CTNNBL1: variants seen among roughly 807,000 people sequenced by gnomAD.
The protein encoded by CTNNBL1 is catenin beta like 1.
CTNNBL1 carries 31 observed loss-of-function variants against 72.7 expected under a neutral mutation model. The observed-to-expected ratio is 0.43, with a 90% CI of 0.32 to 0.58. The LOEUF is 0.58. Among genes scored for constraint, CTNNBL1 ranks in the 20% least tolerant of loss-of-function variants. CTNNBL1 has a pLI of 0.08. For missense variants in CTNNBL1, 534 were observed against 725.1 expected (o/e 0.74, Z 3.03); for synonymous variants, 240 against 267.3 (o/e 0.90, Z 1.00).
intron 6 of CTNNBL1, among the ~76,000 whole-genome samples, chr20:37,766,874 A>G (rs1039736759): frequency 9.9e-5 from 15 of 152,212 alleles, no homozygotes; most frequent in Non-Finnish European, 4.4e-5. Context: ...GCAGAAGAAT[A>G]GGATAAAGTC....
intron 5 of CTNNBL1, among the ~76,000 whole-genome samples, chr20:37,758,292 A>G (rs79298585): frequency 0.037 from 5,651 of 152,276 alleles, 323 homozygotes; most frequent in African/African-American, 0.13. Flanking sequence ...GATTTCTGCC[A>G]TCTTTTGAGG....
intron 5 of CTNNBL1, among the ~76,000 whole-genome samples, chr20:37,758,950 T>A (rs1309401956): frequency 6.6e-6 from 1 of 152,100 alleles, no homozygotes; most frequent in Non-Finnish European, 1.5e-5. Flanking sequence ...CTCATAATGT[T>A]CTCGACACTA....
chr20:37,725,127 G>A (rs1299362595), intron 1 of CTNNBL1, among the ~76,000 whole-genome samples: 6 of 151,694 alleles, frequency 4.0e-5, no homozygotes, highest in Non-Finnish European at 8.8e-5. Context: ...GGCTGGTCTC[G>A]AACTCCTGGG....
intron 13 of CTNNBL1, among the ~76,000 whole-genome samples, chr20:37,848,186 G>A (rs1458499046): frequency 2.4e-5 from 3 of 126,424 alleles, no homozygotes; most frequent in African/African-American, 3.1e-5. Flanking sequence ...ATCTCATTCT[G>A]TCACCCAGGC....
At chr20:37,845,440 C>T (rs1393780141) in intron 13 of CTNNBL1, among the ~76,000 whole-genome samples, 3 of 152,334 alleles carry the variant, frequency 2.0e-5, no homozygotes, top group African/African-American at 7.2e-5. Context: ...CGTGCTGTTC[C>T]CTGACAAACA....
chr20:37,850,281 A>C (rs567794588), intron 13 of CTNNBL1, among the ~76,000 whole-genome samples: 11 of 152,324 alleles, frequency 7.2e-5, no homozygotes, highest in Middle Eastern at 3.4e-3. Flanking sequence ...TGATGGCAGC[A>C]TCATGGTAAT....
intron 7 of CTNNBL1, among the ~76,000 whole-genome samples, chr20:37,771,565 T>C (rs543561178): frequency 7.1e-6 from 1 of 140,948 alleles, no homozygotes; most frequent in Non-Finnish European, 1.6e-5. Flanking sequence ...ACCTTTTAGA[T>C]ACCTTTTTTT....
At chr20:37,858,892 T>C (rs555266876) in intron 13 of CTNNBL1, among the ~76,000 whole-genome samples, 2 of 152,204 alleles carry the variant, frequency 1.3e-5, no homozygotes, top group South Asian at 4.2e-4. Flanking sequence ...ACAAAACACC[T>C]AAGCCAGAGG....
intron 4 of CTNNBL1, among the ~76,000 whole-genome samples, chr20:37,753,656 C>T (rs574716175): frequency 2.6e-5 from 4 of 152,120 alleles, no homozygotes; most frequent in Admixed American, 1.3e-4. Context: ...CAATAGTGAG[C>T]GCTTTGGGCA....
intron 12 of CTNNBL1, among the ~76,000 whole-genome samples, chr20:37,840,782 T>A (rs2072297442): frequency 6.6e-6 from 1 of 151,700 alleles, no homozygotes. Flanking sequence ...CTATGGAAGC[T>A]GGGAACCCAA....
intron 7 of CTNNBL1, among the ~76,000 whole-genome samples, chr20:37,773,905 C>T (rs76607483): frequency 5.7e-5 from 8 of 139,436 alleles, no homozygotes; most frequent in Admixed American, 4.9e-4. Flanking sequence ...TTCTTTCTTT[C>T]TCTCTTTTTT....
rs1436736218 is a variant in CTNNBL1, at chr20:37,862,687, T to C, written c.1603+2343T>C. 2.6e-5 allele frequency among the ~76,000 whole-genome samples: 4 copies of C among 151,354 alleles called. No homozygotes were observed. The East Asian group carries it at 5.9e-4, about 22-fold the overall frequency. ...CTTCATTCCCACCCCTCTGTTTTTC[T>C]CCCCCACTGCTTTCTGCCCACCCTC... is the stretch of plus-strand genomic sequence containing the variant. On this transcript the variant is annotated intron_variant, in intron 15 of 15. Coordinates refer to ENST00000361383, the MANE Select transcript of CTNNBL1 (RefSeq NM_030877.5).
intron 13 of CTNNBL1, among the ~76,000 whole-genome samples, chr20:37,853,264 A>G (rs903494427): frequency 9.9e-5 from 15 of 152,208 alleles, no homozygotes; most frequent in Admixed American, 9.8e-4. Context: ...TTTCCCTACC[A>G]CTAGAGAAAC....
chr20:37,860,061 G>A, intron 14 of CTNNBL1, 25 bp downstream of exon 14: 1 of 1,611,938 alleles, frequency 6.2e-7, no homozygotes, highest in Non-Finnish European at 8.5e-7. Context: ...CCCTGGATGG[G>A]CTTATCCATC....
At chr20:37,862,391 A>G (rs1353103300) in intron 15 of CTNNBL1, among the ~76,000 whole-genome samples, 1 of 152,172 alleles carries the variant, frequency 6.6e-6, no homozygotes, top group East Asian at 1.9e-4. Context: ...GTGATCTTCC[A>G]AGAAAGGAAA....
At chr20:37,749,800 C>T (rs1020377073) in intron 4 of CTNNBL1, 6 of 152,094 alleles carry the variant, frequency 3.9e-5, no homozygotes, top group Admixed American at 6.5e-5. Context: ...TAATGTTGCT[C>T]TCCCTGCAAC....
At chr20:37,754,210 A>G (rs931725178) in intron 4 of CTNNBL1, among the ~76,000 whole-genome samples, 6 of 151,962 alleles carry the variant, frequency 3.9e-5, no homozygotes, top group African/African-American at 1.5e-4. Context: ...TGATAACACT[A>G]CTTATTGCAT....
intron 1 of CTNNBL1, among the ~76,000 whole-genome samples, chr20:37,715,220 C>A (rs537761884): frequency 2.0e-5 from 3 of 152,296 alleles, no homozygotes; most frequent in Non-Finnish European, 4.4e-5. Context: ...GAGCCTTAGG[C>A]ATAGACTGAC....
intron 5 of CTNNBL1, among the ~76,000 whole-genome samples, chr20:37,764,846 G>A (rs550774430): frequency 6.6e-6 from 1 of 152,250 alleles, no homozygotes; most frequent in South Asian, 2.1e-4. Flanking sequence ...TTCTCGTAAG[G>A]TAGTACCACA....
Sources: allele counts gnomAD v4.1 joint callset (sites outside exome capture counted in the v4.1 genomes callset), GRCh38; gene constraint gnomAD v4.1.1; transcripts MANE v1.5; gene names NCBI Gene and HGNC (gene_info 2026-07-23, HGNC 2026-07-21).